SLC14A2: variants seen among roughly 807,000 people sequenced by gnomAD.
The protein encoded by SLC14A2 is urea transporter 2.
Under a neutral mutation model 104.6 loss-of-function variants are expected in SLC14A2, and 91 were observed. The ratio of observed to expected loss-of-function variants is 0.87; its 90% confidence interval spans 0.73 to 1.04. SLC14A2 has a LOEUF of 1.04. Among genes scored for constraint, SLC14A2 ranks in the 50% least tolerant of loss-of-function variants. SLC14A2 has a pLI of 0.00. For missense variants in SLC14A2, 1,189 were observed against 1,156.0 expected, an observed-to-expected ratio of 1.03 and a Z score of -0.41; for synonymous variants, 476 against 466.4, an observed-to-expected ratio of 1.02 and a Z score of -0.27.
chr18:45,416,359 C>T (rs546667323), intron 1 of SLC14A2, among the ~76,000 whole-genome samples: 3 of 151,074 alleles, frequency 2.0e-5, no homozygotes, highest in East Asian at 3.9e-4. Flanking sequence ...CACCAAATAA[C>T]CTTGTCATGT....
chr18:45,223,715 G>A (rs1381296053), intron 1 of SLC14A2, among the ~76,000 whole-genome samples: 1 of 152,134 alleles, frequency 6.6e-6, no homozygotes, highest in African/African-American at 2.4e-5. Context: ...GCTCCCTTAA[G>A]GACTCTAAGA....
chr18:45,499,790 T>A (rs2043162324), intron 2 of SLC14A2, among the ~76,000 whole-genome samples: 1 of 152,166 alleles, frequency 6.6e-6, no homozygotes, highest in South Asian at 2.1e-4. Context: ...AGACTGGAGA[T>A]GATCATAGGT....
In SLC14A2 at chr18:45,279,069, G is replaced by T. The variant is rs919904200; in HGVS notation, c.-125+65878G>T. 9.2e-5 allele frequency among the ~76,000 whole-genome samples: 14 copies of T among 152,156 alleles called. No homozygotes were observed. The East Asian group carries it at 2.7e-3, about 29-fold the overall frequency. The stretch of plus-strand genomic sequence containing the variant: ...GAGTTGAATCCTGCCCAGGCATGCT[G>T]GCCCAGGGCCTGGTTCTGATCAGTT... On this transcript the variant is annotated intron_variant, in intron 1 of 20. Transcript: ENST00000586448.
intron 1 of SLC14A2, among the ~76,000 whole-genome samples, chr18:45,255,722 C>T (rs1267870995): frequency 6.6e-6 from 1 of 152,094 alleles, no homozygotes; most frequent in Admixed American, 6.5e-5. Flanking sequence ...AGATTTCATT[C>T]CTCTGGGATT....
chr18:45,602,805 G>T (rs939245889), intron 2 of SLC14A2, among the ~76,000 whole-genome samples: 1 of 152,180 alleles, frequency 6.6e-6, no homozygotes, highest in African/African-American at 2.4e-5. Context: ...CCCGCTGATG[G>T]ATTCAAACAT....
chr18:45,438,861 C>T (rs1218529130), intron 1 of SLC14A2, among the ~76,000 whole-genome samples: 5 of 152,142 alleles, frequency 3.3e-5, no homozygotes, highest in Admixed American at 6.5e-5. Flanking sequence ...CATTATTCCC[C>T]ATATCAGGCA....
intron 1 of SLC14A2, among the ~76,000 whole-genome samples, chr18:45,217,156 A>C (rs1436964173): frequency 6.6e-6 from 1 of 151,306 alleles, no homozygotes; most frequent in Non-Finnish European, 1.5e-5. Context: ...TCCCCAAAGC[A>C]ACAGATTTCT....
intron 1 of SLC14A2, among the ~76,000 whole-genome samples, chr18:45,430,569 A>ATTATT (rs1462450148): frequency 2.0e-5 from 3 of 150,488 alleles, no homozygotes; most frequent in African/African-American, 4.9e-5. Flanking sequence ...ATTTTATTTT[A>ATTATT]TTATTTTATT....
intron 2 of SLC14A2, among the ~76,000 whole-genome samples, chr18:45,590,557 GT>G (rs1297876238): frequency 6.6e-6 from 1 of 152,190 alleles, no homozygotes; most frequent in Admixed American, 6.5e-5. Context: ...TGTGTACAGA[GT>G]TTGTCTTGCA....
At chr18:45,473,025 CTT>C (rs2087281554) in intron 1 of SLC14A2, among the ~76,000 whole-genome samples, 1 of 152,174 alleles carries the variant, frequency 6.6e-6, no homozygotes, top group African/African-American at 2.4e-5. Context: ...ACATTTAAGT[CTT>C]TAATCCATCT....
chr18:45,477,582 C>T (rs1357624241), intron 1 of SLC14A2, among the ~76,000 whole-genome samples: 4 of 152,190 alleles, frequency 2.6e-5, no homozygotes, highest in Non-Finnish European at 5.9e-5. Context: ...GCTGCACCCA[C>T]AGCCACCCCT....
intron 4 of SLC14A2, among the ~76,000 whole-genome samples, chr18:45,632,144 TTTGTG>T (rs1244398995): frequency 1.6e-4 from 3 of 18,362 alleles, no homozygotes; most frequent in Non-Finnish European, 3.3e-4. Flanking sequence ...TGTGTGTGTG[TTTGTG>T]TGTGTGTGTG....
intron 1 of SLC14A2, among the ~76,000 whole-genome samples, chr18:45,264,270 C>T (rs2084569658): frequency 6.6e-6 from 1 of 152,002 alleles, no homozygotes; most frequent in Admixed American, 6.6e-5. Flanking sequence ...CATTCATTTA[C>T]CAACAGTGAA....
chr18:45,560,185 G>A (rs2044183351), intron 2 of SLC14A2, among the ~76,000 whole-genome samples: 1 of 152,174 alleles, frequency 6.6e-6, no homozygotes, highest in Non-Finnish European at 1.5e-5. Flanking sequence ...AGCACCCAGT[G>A]GTTGTTAAAC....
chr18:45,398,330 G>C (rs1239815986), intron 1 of SLC14A2, among the ~76,000 whole-genome samples: 1 of 152,144 alleles, frequency 6.6e-6, no homozygotes, highest in African/African-American at 2.4e-5. Flanking sequence ...TGAAAGCTAA[G>C]ATTCCTGAGG....
At chr18:45,303,122 A>T (rs2084984482) in intron 1 of SLC14A2, among the ~76,000 whole-genome samples, 1 of 152,226 alleles carries the variant, frequency 6.6e-6, no homozygotes, top group Admixed American at 6.5e-5. Context: ...CAGCCCCCAT[A>T]ATCACAGCAG....
chr18:45,328,850 CA>C (rs1293377414), intron 1 of SLC14A2, among the ~76,000 whole-genome samples: 1 of 152,136 alleles, frequency 6.6e-6, no homozygotes, highest in African/African-American at 2.4e-5. Context: ...CAAACAAACT[CA>C]AAAAAAGTAT....
chr18:45,188,386 C>T, the SLC14A2 span, among the ~76,000 whole-genome samples: 1 of 152,034 alleles, frequency 6.6e-6, no homozygotes, highest in African/African-American at 2.4e-5. Context: ...TTGTTGATAT[C>T]CTGTGTCTTG....
chr18:45,330,736 C>T (rs759570767), intron 1 of SLC14A2, among the ~76,000 whole-genome samples: 3 of 152,186 alleles, frequency 2.0e-5, no homozygotes, highest in African/African-American at 4.8e-5. Context: ...ATTTCCAATT[C>T]AGAAAGTCTT....
Sources: allele counts gnomAD v4.1 joint callset (sites outside exome capture counted in the v4.1 genomes callset), GRCh38; gene constraint gnomAD v4.1.1; transcripts MANE v1.5; gene names NCBI Gene and HGNC (gene_info 2026-07-23, HGNC 2026-07-21).